The following GRM1 variants were observed in gnomAD, a reference collection of about 807,000 sequenced individuals.
The protein encoded by GRM1 is glutamate metabotropic receptor 1.
Under a neutral mutation model 90.9 loss-of-function variants are expected in GRM1, and 33 were observed. The observed-to-expected ratio is 0.36, with a 90% CI of 0.28 to 0.49. The LOEUF is 0.49. GRM1 is among the 20% of genes least tolerant of loss of function. GRM1 has a pLI of 0.99. For missense variants in GRM1, 1,190 were observed against 1,534.3 expected (o/e 0.78, Z 3.75); for synonymous variants, 700 against 613.2 (o/e 1.14, Z -2.09).
chr6:146,097,771 T>C (rs151189335), intron 1 of GRM1, among the ~76,000 whole-genome samples: 4 of 152,306 alleles, frequency 2.6e-5, no homozygotes, highest in African/African-American at 9.6e-5. Flanking sequence ...TCATGCATCG[T>C]TGAGGGCCAA....
At chr6:146,086,889 A>T (rs1166648145) in intron 1 of GRM1, among the ~76,000 whole-genome samples, 1 of 152,126 alleles carries the variant, frequency 6.6e-6, no homozygotes, top group African/African-American at 2.4e-5. Context: ...AATGTTATTC[A>T]GGGAGATAAA....
At chr6:146,212,871 T>A (rs2114650967) in intron 2 of GRM1, among the ~76,000 whole-genome samples, 1 of 152,060 alleles carries the variant, frequency 6.6e-6, no homozygotes, top group South Asian at 2.1e-4. Flanking sequence ...ATTTGTTAAA[T>A]TGTTCTATTT....
chr6:146,312,873 A>G lies in GRM1; in HGVS notation c.1186+8027A>G, dbSNP rs543547397. Among the ~76,000 whole-genome samples, 4 of 152,304 alleles carry G rather than the reference A, an allele frequency of 2.6e-5. No homozygotes were observed. In the South Asian group the frequency reaches 8.3e-4, roughly 32 times the overall value. On this transcript the variant is annotated intron_variant, in intron 3 of 7. Coordinates refer to ENST00000282753, the MANE Select transcript of GRM1 (RefSeq NM_001278064.2). ...AATTCCTACAGATCTGATGCCCAACATAGGGTGGACTGGTTCCCACACAGA... is the reference window on the plus strand; with the variant it reads ...AATTCCTACAGATCTGATGCCCAACGTAGGGTGGACTGGTTCCCACACAGA...
rs760106746 is a variant in GRM1, at chr6:146,433,995, C to T, written c.2784C>T (p.Ala928=). 8 of 1,613,992 alleles carry T rather than the reference C, an allele frequency of 5.0e-6. No individual in the cohort carries two copies. In the East Asian group the frequency reaches 1.3e-4, roughly 27 times the overall value. ...ATGAGACGGCCTGCAACCAAACAGCCGTCATCAAGCCCCTCACTAAAAGTT... is the reference window on the plus strand; with the variant it reads ...ATGAGACGGCCTGCAACCAAACAGCTGTCATCAAGCCCCTCACTAAAAGTT... ...KTNETACNQT[A]VIKPLTKSYQ... is the part of the protein sequence containing the mutation. The change falls in exon 8 of 8, where the codon GCC becomes GCT. Residue 928 remains alanine (A), a synonymous_variant. Coordinates refer to ENST00000282753, the MANE Select transcript of GRM1 (RefSeq NM_001278064.2).
At chr6:146,142,904 T>G (rs1412423200) in intron 1 of GRM1, among the ~76,000 whole-genome samples, 1 of 152,162 alleles carries the variant, frequency 6.6e-6, no homozygotes, top group African/African-American at 2.4e-5. Flanking sequence ...GCCAAGCTGG[T>G]ACTTAGGCTG....
At chr6:146,427,319 T>G (rs557074487) in intron 7 of GRM1, among the ~76,000 whole-genome samples, 88 of 152,354 alleles carry the variant, frequency 5.8e-4, no homozygotes, top group African/African-American at 2.0e-3. Flanking sequence ...TGACAGTGTC[T>G]TTTTAAGTTA....
chr6:146,065,944 C>G (rs577706112), intron 1 of GRM1, among the ~76,000 whole-genome samples: 2 of 151,900 alleles, frequency 1.3e-5, no homozygotes, highest in African/African-American at 4.8e-5. Context: ...AGTCAGATTC[C>G]CATGACTCAA....
In GRM1 at chr6:146,434,692, G is replaced by T; in HGVS notation, c.3481G>T (p.Val1161Leu). 1.2e-6 allele frequency: 2 copies of T among 1,605,112 alleles called. No individual in the cohort carries two copies. The highest frequency in any genetic ancestry group is 2.2e-5 in the East Asian group (1 of 44,876). The change falls in exon 8 of 8, where the codon GTG becomes TTG. Residue 1161 changes from valine (V) to leucine (L), a missense_variant. This residue lies in a region of GRM1 where 48 missense variants were observed against 48.5 expected (regional missense o/e 0.99). Transcript: ENST00000282753. ...CGACTCGGTGGCCTCGGGCAGCTCGGTGCCCAGCTCCCCCGTGTCCGAGTC... is the reference window on the plus strand; with the variant it reads ...CGACTCGGTGGCCTCGGGCAGCTCGTTGCCCAGCTCCCCCGTGTCCGAGTC... ...FRDSVASGSS[V>L]PSSPVSESVL...
At chr6:146,099,996 C>A (rs897211699) in intron 1 of GRM1, among the ~76,000 whole-genome samples, 1 of 152,222 alleles carries the variant, frequency 6.6e-6, no homozygotes, top group Non-Finnish European at 1.5e-5. Flanking sequence ...CAGTGTATGA[C>A]AATTCCTACT....
At chr6:146,104,530 A>G (rs1023476877) in intron 1 of GRM1, among the ~76,000 whole-genome samples, 9 of 152,214 alleles carry the variant, frequency 5.9e-5, no homozygotes, top group Admixed American at 1.3e-4. Context: ...AAGAAGACCA[A>G]TGTTTCATAT....
rs772638490 is a variant in GRM1 at position 146,322,730 on chromosome 6, C to A, written c.1186+17884C>A. Among the ~76,000 whole-genome samples, 33 of 151,944 alleles carry A rather than the reference C, an allele frequency of 2.2e-4. 1 individual carries two copies. Among genetic ancestry groups the A allele is most frequent in the Non-Finnish European group, 4.4e-4 (30 of 68,006 alleles). On this transcript the variant is annotated intron_variant, in intron 3 of 7. Coordinates refer to ENST00000282753, the MANE Select transcript of GRM1 (RefSeq NM_001278064.2). ...ACTCATCATTTAGCATTAGGTATAT[C>A]TCCTAATGCTATCCCTCCCGCCCTC...
At chr6:146,246,214 A>T (rs755610884) in intron 2 of GRM1, among the ~76,000 whole-genome samples, 2 of 152,172 alleles carry the variant, frequency 1.3e-5, no homozygotes, top group Non-Finnish European at 2.9e-5. Flanking sequence ...TTTGCCTTCA[A>T]CAACTTAGCA....
chr6:146,285,694 G>T (rs1160301705), intron 2 of GRM1, among the ~76,000 whole-genome samples: 1 of 152,062 alleles, frequency 6.6e-6, no homozygotes, highest in Non-Finnish European at 1.5e-5. Context: ...TCATACTTCA[G>T]GTTGTTGTAA....
At chr6:146,328,036 A>G (rs1471888946) in intron 3 of GRM1, among the ~76,000 whole-genome samples, 1 of 152,052 alleles carries the variant, frequency 6.6e-6, no homozygotes, top group African/African-American at 2.4e-5. Flanking sequence ...CTACATCACA[A>G]TTTATTTGGT....
intron 7 of GRM1, among the ~76,000 whole-genome samples, chr6:146,433,181 T>C (rs362818): frequency 0.57 from 86,051 of 152,040 alleles, 24,949 homozygotes; most frequent in African/African-American, 0.7. Flanking sequence ...TTTGTGTGAA[T>C]TGTGATCCAC....
chr6:146,124,417 A>G (rs188479639), intron 1 of GRM1, among the ~76,000 whole-genome samples: 109 of 152,306 alleles, frequency 7.2e-4, no homozygotes, highest in Non-Finnish European at 3.7e-4. Context: ...CTCTAAATTC[A>G]TTAAATATTT....
chr6:146,222,979 G>A (rs1281916724), intron 2 of GRM1, among the ~76,000 whole-genome samples: 1 of 151,924 alleles, frequency 6.6e-6, no homozygotes, highest in Admixed American at 6.6e-5. Flanking sequence ...CAATATTAGA[G>A]CGTAGGAAAG....
intron 2 of GRM1, among the ~76,000 whole-genome samples, chr6:146,200,830 G>T (rs1396896162): frequency 6.6e-6 from 1 of 152,018 alleles, no homozygotes; most frequent in Non-Finnish European, 1.5e-5. Context: ...GGTAGAAAAA[G>T]AATCAAATTG....
chr6:146,092,312 C>T (rs1341275777), intron 1 of GRM1, among the ~76,000 whole-genome samples: 3 of 152,054 alleles, frequency 2.0e-5, no homozygotes. Context: ...CCTACTGACA[C>T]TCCTACTGGG....
Sources: allele counts gnomAD v4.1 joint callset (sites outside exome capture counted in the v4.1 genomes callset), GRCh38; gene constraint gnomAD v4.1.1; regional missense constraint gnomAD v4.1.1; transcripts MANE v1.5; gene names NCBI Gene and HGNC (gene_info 2026-07-23, HGNC 2026-07-21).